The following PTPRG variants were observed in gnomAD, a reference collection of about 807,000 sequenced individuals.
The protein encoded by PTPRG is receptor-type tyrosine-protein phosphatase gamma.
A neutral mutation model predicts 165.3 loss-of-function variants in PTPRG; 102 were observed. That is an observed-to-expected ratio of 0.62 (90% CI 0.53 to 0.73). PTPRG has a LOEUF of 0.73. Among genes scored for constraint, PTPRG ranks in the 30% least tolerant of loss-of-function variants. PTPRG has a pLI of 0.00. For missense variants in PTPRG, 1,866 were observed against 1,861.4 expected, an observed-to-expected ratio of 1.00 and a Z score of -0.05; for synonymous variants, 675 against 669.5, an observed-to-expected ratio of 1.01 and a Z score of -0.13.
chr3:61,961,973 T>C (rs1311686205), intron 2 of PTPRG, among the ~76,000 whole-genome samples: 3 of 152,122 alleles, frequency 2.0e-5, no homozygotes, highest in Non-Finnish European at 4.4e-5. Context: ...CCTTCTTTGC[T>C]GTCTTACACC....
chr3:61,917,583 T>C (rs1237432503), intron 2 of PTPRG, among the ~76,000 whole-genome samples: 1 of 152,146 alleles, frequency 6.6e-6, no homozygotes, highest in Non-Finnish European at 1.5e-5. Flanking sequence ...CTTAAAATCT[T>C]GGTTACGTGT....
intron 2 of PTPRG, among the ~76,000 whole-genome samples, chr3:61,902,343 T>C (rs2038520236): frequency 6.6e-6 from 1 of 152,176 alleles, no homozygotes; most frequent in Non-Finnish European, 1.5e-5. Flanking sequence ...GGGCTGATTA[T>C]AGCATTGGAG....
intron 28 of PTPRG, among the ~76,000 whole-genome samples, chr3:62,285,522 G>A (rs1343905835): frequency 2.0e-5 from 2 of 100,350 alleles, no homozygotes; most frequent in African/African-American, 8.6e-5. Context: ...GCAGGTGGTT[G>A]TTGGGGGGGG....
chr3:61,752,679 G>A (rs963493700), intron 2 of PTPRG, among the ~76,000 whole-genome samples: 1 of 150,218 alleles, frequency 6.7e-6, no homozygotes, highest in Non-Finnish European at 1.5e-5. Flanking sequence ...CCAGCTACTC[G>A]GGAGGCTGAG....
At chr3:62,216,742 ACGAC>A (rs1700520194) in intron 12 of PTPRG, among the ~76,000 whole-genome samples, 2 of 152,128 alleles carry the variant, frequency 1.3e-5, no homozygotes, top group African/African-American at 2.4e-5. Context: ...TACTGCTCTT[ACGAC>A]TAAATTCAGT....
chr3:61,665,854 A>G (rs1356920877), intron 1 of PTPRG, among the ~76,000 whole-genome samples: 2 of 152,204 alleles, frequency 1.3e-5, no homozygotes, highest in Non-Finnish European at 2.9e-5. Flanking sequence ...TGTTTTTCTA[A>G]AAATGAATTA....
chr3:62,140,636 C>T (rs1201091171), intron 6 of PTPRG, among the ~76,000 whole-genome samples: 1 of 152,032 alleles, frequency 6.6e-6, no homozygotes, highest in Admixed American at 6.6e-5. Context: ...CACCTGAGGT[C>T]AGGATTTCAA....
intron 8 of PTPRG, among the ~76,000 whole-genome samples, chr3:62,179,056 C>T (rs1705549469): frequency 6.6e-6 from 1 of 152,206 alleles, no homozygotes; most frequent in Non-Finnish European, 1.5e-5. Flanking sequence ...CCCCATTCAT[C>T]CCACTCATTA....
intron 6 of PTPRG, 111 bp downstream of exon 6, chr3:62,132,779 C>G: frequency 3.0e-6 from 3 of 988,478 alleles, no homozygotes; most frequent in South Asian, 2.6e-5. Context: ...ATTCCTCATC[C>G]CCTGATGTTG....
chr3:61,750,820 A>C (rs1421633821), intron 2 of PTPRG: 1 of 152,236 alleles, frequency 6.6e-6, no homozygotes, highest in African/African-American at 2.4e-5. Context: ...TTCATTAAAA[A>C]ATATACAAAC....
Position 62,000,780 on chromosome 3 carries a change from G to A in PTPRG, c.371-2569G>A, listed in dbSNP as rs76372468. Among the ~76,000 whole-genome samples, 1,201 of 152,258 alleles carry A rather than the reference G, an allele frequency of 7.9e-3. 24 individuals are homozygous for A. The highest frequency in any genetic ancestry group is 0.028 in the African/African-American group (1,154 of 41,546). ...GTTACACCTGTGTGGCCAGTCTTCCGTGCTGTCCAGGAGCTCCACCCTTGA... is the reference window on the plus strand; with the variant it reads ...GTTACACCTGTGTGGCCAGTCTTCCATGCTGTCCAGGAGCTCCACCCTTGA... On this transcript the variant is annotated intron_variant, in intron 3 of 29. Coordinates refer to ENST00000474889, the MANE Select transcript of PTPRG (RefSeq NM_002841.4).
In PTPRG at chr3:61,939,478, C is replaced by G. The variant is rs115714239; in HGVS notation, c.191-50147C>G. On this transcript the variant is annotated intron_variant, in intron 2 of 29. Transcript: ENST00000474889. ...CTAAATCTGTCATCCTAGGAAAATG[C>G]CAGGCAAATACACAGAAACTGCTGA... Among the ~76,000 whole-genome samples the G allele has an allele frequency of 9.7e-3, 1,475 of 152,202 alleles. 6 individuals carry two copies. Among genetic ancestry groups the G allele is most frequent in the Non-Finnish European group, 0.013 (890 of 68,032 alleles).
chr3:62,272,487 T>G (rs1226161110), intron 21 of PTPRG, among the ~76,000 whole-genome samples: 2 of 152,220 alleles, frequency 1.3e-5, no homozygotes, highest in African/African-American at 4.8e-5. Flanking sequence ...CAAATACATG[T>G]CGCTTGTTCT....
At chr3:61,759,656 AAAT>A (rs1409445232) in intron 2 of PTPRG, among the ~76,000 whole-genome samples, 2 of 152,102 alleles carry the variant, frequency 1.3e-5, no homozygotes, top group African/African-American at 2.4e-5. Context: ...CCTGTCTCAA[AAAT>A]AATAATAATA....
At chr3:61,841,962 A>G (rs896683370) in intron 2 of PTPRG, among the ~76,000 whole-genome samples, 15 of 152,230 alleles carry the variant, frequency 9.9e-5, no homozygotes, top group Non-Finnish European at 1.9e-4. Flanking sequence ...CAACTCTATG[A>G]CAGTCATTGT....
intron 6 of PTPRG, among the ~76,000 whole-genome samples, chr3:62,147,549 T>C (rs139609168): frequency 1.6e-4 from 25 of 152,320 alleles, no homozygotes; most frequent in Middle Eastern, 3.4e-3. Flanking sequence ...CAAGTCATTG[T>C]TTAATTAGCA....
chr3:62,170,087 T>G (rs1227100921), intron 8 of PTPRG, among the ~76,000 whole-genome samples: 1 of 152,146 alleles, frequency 6.6e-6, no homozygotes, highest in Non-Finnish European at 1.5e-5. Flanking sequence ...CCAGGTTCCC[T>G]CAAGAAATGC....
intron 4 of PTPRG, among the ~76,000 whole-genome samples, chr3:62,024,410 A>T (rs2041763388): frequency 2.1e-5 from 1 of 48,600 alleles, no homozygotes; most frequent in African/African-American, 5.3e-5. Context: ...TTTGTTAAAG[A>T]AAAAGGAATA....
intron 12 of PTPRG, among the ~76,000 whole-genome samples, chr3:62,216,193 C>T (rs1553652621): frequency 1.4e-5 from 2 of 145,254 alleles, no homozygotes; most frequent in Non-Finnish European, 3.0e-5. Flanking sequence ...GCCTGGGTGA[C>T]AGAGTGAGAC....
Sources: allele counts gnomAD v4.1 joint callset (sites outside exome capture counted in the v4.1 genomes callset), GRCh38; gene constraint gnomAD v4.1.1; transcripts MANE v1.5; gene names NCBI Gene and HGNC (gene_info 2026-07-23, HGNC 2026-07-21).